TANC2: variants seen among roughly 807,000 people sequenced by gnomAD.
TANC2 encodes the protein tetratricopeptide repeat, ankyrin repeat and coiled-coil containing 2.
In TANC2, 26 loss-of-function variants were observed where a neutral mutation model predicts 210.5. The observed-to-expected ratio is 0.12, with a 90% CI of 0.09 to 0.17. TANC2 has a LOEUF of 0.17. Ranked by LOEUF, TANC2 falls within the 10% of genes least tolerant of loss-of-function variation. The pLI, the probability that TANC2 is intolerant of heterozygous loss-of-function variation, is 1.00. For synonymous variants in TANC2, 931 were observed against 967.1 expected (o/e 0.96, Z 0.69); for missense variants, 2,129 against 2,608.9 (o/e 0.82, Z 4.01).
chr17:63,192,740 G>T (rs1023124940), intron 5 of TANC2, among the ~76,000 whole-genome samples: 7 of 152,164 alleles, frequency 4.6e-5, no homozygotes, highest in Non-Finnish European at 8.8e-5. Flanking sequence ...GGAATCTAAA[G>T]TTATGAAGGT....
intron 4 of TANC2, among the ~76,000 whole-genome samples, chr17:63,147,787 CAT>C (rs2039513746): frequency 6.6e-6 from 1 of 152,172 alleles, no homozygotes; most frequent in Non-Finnish European, 1.5e-5. Flanking sequence ...TAAGGCATAA[CAT>C]ATTGTATTTT....
exon 28 of TANC2, chr17:63,425,577 T>C (rs8072447): frequency 9.2e-5 from 14 of 152,240 alleles, no homozygotes; most frequent in African/African-American, 3.4e-4. Flanking sequence ...TACCACTAGG[T>C]GTCACTGTGG....
At position 63,126,246 on chromosome 17, in the gene TANC2, A is replaced by G. The variant is rs77940384; in HGVS notation, c.323-25024A>G. The stretch of plus-strand genomic sequence containing the variant: ...ATGCCTGGCATATAGTAGATGTTCA[A>G]TAAATATTTACTGAATAAATCAATA... On this transcript the variant is annotated intron_variant, in intron 4 of 27. Coordinates refer to ENST00000689528, the Ensembl canonical transcript of TANC2. Among the ~76,000 whole-genome samples, 1,454 of 152,326 alleles carry G rather than the reference A, an allele frequency of 9.5e-3. 32 individuals are homozygous for G. Among genetic ancestry groups the G allele is most frequent in the African/African-American group, 0.031 (1,288 of 41,564 alleles).
At chr17:63,077,419 G>A (rs912839943) in intron 3 of TANC2, among the ~76,000 whole-genome samples, 41 of 152,132 alleles carry the variant, frequency 2.7e-4, no homozygotes, top group African/African-American at 9.9e-4. Flanking sequence ...ACAAGAGACA[G>A]GAAAGTCAAT....
intron 8 of TANC2, among the ~76,000 whole-genome samples, chr17:63,241,176 G>T (rs374130878): frequency 1.2e-4 from 18 of 152,282 alleles, no homozygotes; most frequent in African/African-American, 4.3e-4. Context: ...TTTACAGAAA[G>T]TAAGCTCTAT....
At chr17:63,341,433 A>G (rs889435282) in intron 12 of TANC2, among the ~76,000 whole-genome samples, 5 of 152,214 alleles carry the variant, frequency 3.3e-5, no homozygotes, top group African/African-American at 1.2e-4. Context: ...CATCATTACC[A>G]CAAGGACTGT....
At chr17:63,227,646 A>G (rs949187437) in intron 7 of TANC2, among the ~76,000 whole-genome samples, 2 of 152,064 alleles carry the variant, frequency 1.3e-5, no homozygotes, top group Non-Finnish European at 2.9e-5. Context: ...TTTTATTGCA[A>G]TTGCTTTTGA....
At chr17:63,123,427 C>T (rs574734090) in intron 4 of TANC2, among the ~76,000 whole-genome samples, 11 of 151,718 alleles carry the variant, frequency 7.3e-5, no homozygotes, top group East Asian at 4.0e-4. Flanking sequence ...GATGTGATGG[C>T]TGGCGCCTGT....
chr17:63,132,767 G>T (rs1001246935), intron 4 of TANC2, among the ~76,000 whole-genome samples: 1 of 152,158 alleles, frequency 6.6e-6, no homozygotes, highest in Non-Finnish European at 1.5e-5. Context: ...GAATTACTAA[G>T]TATTCTCTGT....
chr17:63,268,728 G>T (rs1427019454), intron 9 of TANC2, among the ~76,000 whole-genome samples: 1 of 152,078 alleles, frequency 6.6e-6, no homozygotes, highest in African/African-American at 2.4e-5. Context: ...TTCTCACTCA[G>T]GTACCTGTTG....
intron 7 of TANC2, among the ~76,000 whole-genome samples, chr17:63,222,236 A>G (rs527953182): frequency 6.6e-6 from 1 of 152,196 alleles, no homozygotes; most frequent in East Asian, 1.9e-4. Flanking sequence ...CAAAGGCCCT[A>G]CCTCCTAATA....
At chr17:63,203,707 G>T (rs1158964289) in intron 7 of TANC2, among the ~76,000 whole-genome samples, 1 of 152,112 alleles carries the variant, frequency 6.6e-6, no homozygotes, top group Non-Finnish European at 1.5e-5. Flanking sequence ...CCAAAGAGAA[G>T]AAAACAGAGG....
At chr17:63,049,761 G>A (rs2035511401) in intron 2 of TANC2, among the ~76,000 whole-genome samples, 1 of 152,142 alleles carries the variant, frequency 6.6e-6, no homozygotes, top group African/African-American at 2.4e-5. Context: ...GATTGAAGCT[G>A]GGCTGGGATG....
At chr17:63,046,502 T>C (rs189023625) in intron 2 of TANC2, among the ~76,000 whole-genome samples, 66 of 151,968 alleles carry the variant, frequency 4.3e-4, no homozygotes, top group South Asian at 2.7e-3. Flanking sequence ...TGGCTAATTT[T>C]TGTATTTTTA....
At chr17:63,060,245 T>G (rs931896895) in intron 2 of TANC2, among the ~76,000 whole-genome samples, 1 of 152,244 alleles carries the variant, frequency 6.6e-6, no homozygotes, top group Non-Finnish European at 1.5e-5. Flanking sequence ...CTGTCTCTAT[T>G]CTTCCCCATT....
intron 7 of TANC2, among the ~76,000 whole-genome samples, chr17:63,205,147 T>G (rs1194521592): frequency 6.6e-6 from 1 of 151,906 alleles, no homozygotes; most frequent in East Asian, 1.9e-4. Flanking sequence ...TATGGTCAAA[T>G]GGTTTTTGAC....
intron 2 of TANC2, among the ~76,000 whole-genome samples, chr17:63,036,745 T>C (rs755473034): frequency 6.6e-6 from 1 of 152,206 alleles, no homozygotes; most frequent in Non-Finnish European, 1.5e-5. Context: ...GAACATGTTA[T>C]GTCTTTCCAT....
chr17:63,135,248 A>G (rs2039051506), intron 4 of TANC2, among the ~76,000 whole-genome samples: 3 of 152,160 alleles, frequency 2.0e-5, no homozygotes, highest in Non-Finnish European at 2.9e-5. Context: ...AAAAACAAGT[A>G]CATCTTGCCT....
intron 7 of TANC2, among the ~76,000 whole-genome samples, chr17:63,209,357 A>T (rs565861101): frequency 6.6e-6 from 1 of 151,096 alleles, no homozygotes; most frequent in African/African-American, 2.4e-5. Context: ...TCTCTGGCAC[A>T]TTGAATTATA....
Sources: allele counts gnomAD v4.1 joint callset (sites outside exome capture counted in the v4.1 genomes callset), GRCh38; gene constraint gnomAD v4.1.1; transcripts MANE v1.5; gene names NCBI Gene and HGNC (gene_info 2026-07-23, HGNC 2026-07-21).